SDK1: variants seen among roughly 807,000 people sequenced by gnomAD.
SDK1 encodes the protein sidekick cell adhesion molecule 1, also known as protein sidekick-1.
In SDK1, 157 loss-of-function variants were observed where a neutral mutation model predicts 245.5. The ratio of observed to expected loss-of-function variants is 0.64; its 90% confidence interval spans 0.56 to 0.73. The LOEUF is 0.73. Among genes scored for constraint, SDK1 ranks in the 30% least tolerant of loss-of-function variants. The pLI is 0.00. For missense variants in SDK1, 3,583 were observed against 3,002.3 expected (o/e 1.19, Z -4.52); for synonymous variants, 1,647 against 1,278.5 (o/e 1.29, Z -6.15).
chr7:3,467,397 T>G (rs1781041970), intron 1 of SDK1, among the ~76,000 whole-genome samples: 1 of 152,000 alleles, frequency 6.6e-6, no homozygotes, highest in African/African-American at 2.4e-5. Flanking sequence ...ACTTTTGGTA[T>G]ATGTAGAAAT....
chr7:3,984,294 A>C (rs567599923), intron 13 of SDK1, among the ~76,000 whole-genome samples: 1 of 152,192 alleles, frequency 6.6e-6, no homozygotes, highest in Admixed American at 6.5e-5. Flanking sequence ...CATTTAAGTG[A>C]GTGTCTGCAA....
chr7:3,996,619 T>A (rs1221386462), intron 14 of SDK1, among the ~76,000 whole-genome samples: 2 of 152,316 alleles, frequency 1.3e-5, no homozygotes, highest in East Asian at 1.9e-4. Flanking sequence ...TAAATAGCAA[T>A]TTTTCCCCAT....
chr7:4,079,203 C>T (rs1238282028), intron 21 of SDK1, among the ~76,000 whole-genome samples: 2 of 152,204 alleles, frequency 1.3e-5, no homozygotes, highest in African/African-American at 4.8e-5. Context: ...CGTGTGCCTG[C>T]AGAGTTTCTC....
At chr7:3,675,655 C>A (rs1026586447) in intron 4 of SDK1, among the ~76,000 whole-genome samples, 2 of 152,172 alleles carry the variant, frequency 1.3e-5, no homozygotes, top group Middle Eastern at 3.4e-3. Flanking sequence ...CTCACTGCGG[C>A]CTGGAACTCC....
intron 4 of SDK1, among the ~76,000 whole-genome samples, chr7:3,768,607 C>G (rs1298529935): frequency 6.6e-6 from 1 of 152,174 alleles, no homozygotes; most frequent in African/African-American, 2.4e-5. Flanking sequence ...TCCAGTGCCA[C>G]CAGCTGACTG....
At chr7:3,820,132 A>C (rs550672440) in intron 4 of SDK1, among the ~76,000 whole-genome samples, 159 of 152,260 alleles carry the variant, frequency 1.0e-3, no homozygotes, top group African/African-American at 3.5e-3. Flanking sequence ...GCCAATGAAT[A>C]GTTTACTCAC....
chr7:4,094,436 C>A (rs1478501791), intron 22 of SDK1, among the ~76,000 whole-genome samples: 1 of 152,198 alleles, frequency 6.6e-6, no homozygotes, highest in African/African-American at 2.4e-5. Context: ...GAACTTGCTT[C>A]TGCTCTACTC....
At chr7:4,038,447 ACACCAAGTG>A (rs1788372613) in intron 17 of SDK1, among the ~76,000 whole-genome samples, 1 of 152,200 alleles carries the variant, frequency 6.6e-6, no homozygotes, top group Admixed American at 6.5e-5. Flanking sequence ...CTCATGCCAT[ACACCAAGTG>A]CCGTTACTAA....
chr7:3,712,871 A>G (rs1329821511), intron 4 of SDK1, among the ~76,000 whole-genome samples: 4 of 152,232 alleles, frequency 2.6e-5, no homozygotes, highest in Non-Finnish European at 2.9e-5. Flanking sequence ...TGCCCCCACA[A>G]TATAGACCCC....
At chr7:3,842,020 G>A (rs931653499) in intron 5 of SDK1, among the ~76,000 whole-genome samples, 4 of 152,232 alleles carry the variant, frequency 2.6e-5, no homozygotes, top group African/African-American at 9.6e-5. Flanking sequence ...CATGGCTGTA[G>A]CCTCAGGGGT....
At chr7:3,390,246 C>A (rs994267506) in intron 1 of SDK1, among the ~76,000 whole-genome samples, 1 of 152,128 alleles carries the variant, frequency 6.6e-6, no homozygotes, top group Non-Finnish European at 1.5e-5. Flanking sequence ...GCCTGCCCTA[C>A]AAACTATACT....
chr7:4,026,952 C>T lies in SDK1; in HGVS notation c.2602+9600C>T, dbSNP rs1485716440. Among the ~76,000 whole-genome samples, 1 of 152,168 alleles carries T rather than the reference C, an allele frequency of 6.6e-6. No homozygotes were observed. The highest frequency in any genetic ancestry group is 2.4e-5 in the African/African-American group (1 of 41,436). On this transcript the variant is annotated intron_variant, in intron 17 of 44. Transcript: ENST00000404826. This position sits in a 1 kb window ranked among gnomAD's most constrained non-coding sequence, Gnocchi z 4.1. ...TGTGGTAACCTGGAGAAATGGACAC[C>T]TGTGAATCCCTGCTGTGTTCTGGAT...
intron 1 of SDK1, among the ~76,000 whole-genome samples, chr7:3,527,916 C>T (rs1281463803): frequency 6.9e-6 from 1 of 144,858 alleles, no homozygotes; most frequent in African/African-American, 2.6e-5. Context: ...GGATCATGGC[C>T]AGCTAGGGGG....
At chr7:4,263,409 G>C (rs1788180525) in intron 44 of SDK1, among the ~76,000 whole-genome samples, 1 of 150,932 alleles carries the variant, frequency 6.6e-6, no homozygotes, top group Non-Finnish European at 1.5e-5. Flanking sequence ...TCTTTGCTGG[G>C]GTGGGAAGGC....
At chr7:3,447,509 C>A (rs1054739781) in intron 1 of SDK1, among the ~76,000 whole-genome samples, 1 of 152,024 alleles carries the variant, frequency 6.6e-6, no homozygotes, top group African/African-American at 2.4e-5. Flanking sequence ...AGTTGCCCCC[C>A]ACCCCATTCT....
intron 1 of SDK1, among the ~76,000 whole-genome samples, chr7:3,515,455 T>G (rs1468288295): frequency 6.6e-6 from 1 of 152,186 alleles, no homozygotes; most frequent in South Asian, 2.1e-4. Flanking sequence ...GTGCTAAAAC[T>G]ATCATAATTT....
rs1036341169 is a variant in SDK1, at chr7:4,026,821, A to C, written c.2602+9469A>C. 7.2e-5 allele frequency among the ~76,000 whole-genome samples: 11 copies of C among 152,206 alleles called. No individual in the cohort carries two copies. Among genetic ancestry groups the C allele is most frequent in the African/African-American group, 2.7e-4 (11 of 41,452 alleles). The stretch of plus-strand genomic sequence containing the variant: ...TCTGGAATTAACGATAACACCCGGC[A>C]CACAAACGGCAATATGTACACCCAC... On this transcript the variant is annotated intron_variant, in intron 17 of 44. Transcript: ENST00000404826. This position sits in a 1 kb window ranked among gnomAD's most constrained non-coding sequence, Gnocchi z 4.1.
intron 1 of SDK1, among the ~76,000 whole-genome samples, chr7:3,514,359 C>G (rs561028090): frequency 2.0e-5 from 3 of 152,248 alleles, no homozygotes; most frequent in East Asian, 3.9e-4. Context: ...ACTTAAAACA[C>G]CCAAATATAT....
At chr7:3,785,486 A>G (rs1189772311) in intron 4 of SDK1, among the ~76,000 whole-genome samples, 2 of 152,230 alleles carry the variant, frequency 1.3e-5, no homozygotes, top group Admixed American at 6.5e-5. Context: ...TCAATTTACA[A>G]TTAAAAAGTA....
Sources: gnomAD v4.1 joint callset for allele counts (sites outside exome capture counted in the v4.1 genomes callset) on GRCh38, gnomAD v4.1.1 for gene constraint, Gnocchi (gnomAD v3.1) non-coding constraint, MANE v1.5 for transcripts, NCBI Gene and HGNC (gene_info 2026-07-23, HGNC 2026-07-21) for gene names.